The following SART3 variants were observed in gnomAD, a reference collection of about 807,000 sequenced individuals.
SART3 encodes HIV-1 Tat-interacting protein of 110kDa.
Under a neutral mutation model 122.3 loss-of-function variants are expected in SART3, and 44 were observed. That is an observed-to-expected ratio of 0.36 (90% confidence interval 0.28 to 0.46). The LOEUF (loss-of-function observed/expected upper bound fraction) is 0.46. Among genes scored for constraint, SART3 ranks in the 20% least tolerant of loss-of-function variants. SART3 has a pLI of 1.00. For synonymous variants in SART3, 442 were observed against 454.0 expected, an observed-to-expected ratio of 0.97 and a Z score of 0.34; for missense variants, 1,101 against 1,229.0, an observed-to-expected ratio of 0.90 and a Z score of 1.56.
At chr12:108,530,650 A>C (rs1872638118) in intron 14 of SART3, among the ~76,000 whole-genome samples, 1 of 152,076 alleles carries the variant, frequency 6.6e-6, no homozygotes, top group Non-Finnish European at 1.5e-5. Context: ...AGGTCAGGAG[A>C]TCGAGACCAT....
intron 17 of SART3, 142 bp downstream of exon 17, chr12:108,525,315 C>T: frequency 1.2e-6 from 1 of 820,416 alleles, no homozygotes; most frequent in South Asian, 1.5e-5. Flanking sequence ...GAGCTAAGTG[C>T]AGATCTTTCT....
At position 108,555,056 on chromosome 12, in the gene SART3, T is replaced by C. The variant is rs904785368; in HGVS notation, c.312+5787A>G. Among the ~76,000 whole-genome samples, 8 of 152,096 alleles carry C rather than the reference T, an allele frequency of 5.3e-5. No homozygotes were observed. The East Asian group carries it at 1.5e-3, about 29-fold the overall frequency. On this transcript the variant is annotated intron_variant, in intron 1 of 18. Coordinates refer to ENST00000546815, the MANE Select transcript of SART3 (RefSeq NM_014706.4). Reference sequence around the variant, plus strand: ...AACTACAATGGTAGTTATCAGGGGATTGGGAAGGAAGGAGAAGGAGAGCTG... The same window carrying C: ...AACTACAATGGTAGTTATCAGGGGACTGGGAAGGAAGGAGAAGGAGAGCTG...
chr12:108,544,153 C>T (rs11113984), intron 5 of SART3, among the ~76,000 whole-genome samples: 112,803 of 152,176 alleles, frequency 0.74, 43,703 homozygotes, highest in East Asian at 0.92. Context: ...TATCTCTGCC[C>T]TTCCAACTAG....
At chr12:108,539,181 G>GT in intron 6 of SART3, 92 bp from the exon 7 acceptor site, 3 of 1,347,672 alleles carry the variant, frequency 2.2e-6, no homozygotes, top group Non-Finnish European at 3.1e-6. Context: ...ACTGGCTACA[G>GT]TAACTATGAA....
intron 12 of SART3, among the ~76,000 whole-genome samples, chr12:108,534,487 T>C (rs1404294014): frequency 6.6e-6 from 1 of 151,176 alleles, no homozygotes; most frequent in African/African-American, 2.4e-5. Flanking sequence ...ATGACCTACA[T>C]GGTGAAACTG....
rs1459664736 is a variant in SART3, at chr12:108,549,193, A to G, written c.334T>C (p.Tyr112His). The change falls in exon 2 of 19, where the codon TAC (tyrosine) becomes CAC (histidine). Residue 112 changes from tyrosine (Y) to histidine (H), a missense_variant. Around this residue, in one of 2 missense-constraint regions of SART3, gnomAD observed 216 missense variants for 148.9 expected, o/e 1.45. Transcript: ENST00000546815. ...EEQLSINVYD[Y>H]NCHVDLIRLL... ...CTGATCAAGTCCACATGGCAGTTGT[A>G]GTCATAGACGTTGATAGACAACTAA... 10 of 1,614,096 alleles carry G rather than the reference A, an allele frequency of 6.2e-6. No individual in the cohort carries two copies. Among genetic ancestry groups the G allele is most frequent in the Admixed American group, 1.7e-5 (1 of 60,008 alleles).
rs776249648 is a variant in SART3, at chr12:108,545,243, C to T, written c.625G>A (p.Val209Met). The T allele has an allele frequency of 1.1e-5, 18 of 1,614,162 alleles. No individual in the cohort carries two copies. Among genetic ancestry groups the T allele is most frequent in the Middle Eastern group, 1.6e-4 (1 of 6,062 alleles). Residue 209 changes from valine to methionine, a missense_variant, in exon 4 of 19, where the codon GTG becomes ATG. By Grantham distance (21) the Val-to-Met change is conservative (BLOSUM62 1). This residue lies in a region of SART3 where 885 missense variants were observed against 1,080.1 expected (regional missense o/e 0.82). Transcript: ENST00000546815. Reference sequence around the variant, plus strand: ...ACAGACGAGAGAGCCCTTTCAAACACGGAGCGAACTTTCTCAAGGCCACCT... The same window carrying T: ...ACAGACGAGAGAGCCCTTTCAAACATGGAGCGAACTTTCTCAAGGCCACCT... ...QKGGLEKVRS[V>M]FERALSSVGL... is the part of the protein sequence containing the mutation.
chr12:108,549,790 T>C (rs958233564), intron 1 of SART3, among the ~76,000 whole-genome samples: 1 of 151,704 alleles, frequency 6.6e-6, no homozygotes, highest in Non-Finnish European at 1.5e-5. Context: ...CCGAGGCAGG[T>C]GGATTGCTTG....
chr12:108,544,593 G>T (rs1873318191), intron 4 of SART3, 115 bp from the exon 5 acceptor site: 1 of 1,439,038 alleles, frequency 6.9e-7, no homozygotes, highest in Admixed American at 1.7e-5. Flanking sequence ...TTTTGAGAAG[G>T]GTTCTTGCTG....
At chr12:108,557,194 A>G (rs1194110665) in intron 1 of SART3, among the ~76,000 whole-genome samples, 1 of 147,090 alleles carries the variant, frequency 6.8e-6, no homozygotes, top group Non-Finnish European at 1.5e-5. Context: ...TTAGAACATC[A>G]TTAATGACAT....
At chr12:108,544,393 G>A (rs1473597755) in intron 5 of SART3, 34 bp downstream of exon 5, 2 of 1,575,626 alleles carry the variant, frequency 1.3e-6, no homozygotes, top group Non-Finnish European at 1.7e-6. Flanking sequence ...AAAAACCATA[G>A]AGGGCTGGCT....
chr12:108,525,541 A>G lies in SART3; in HGVS notation c.2439T>C (p.Thr813=). Residue 813 remains threonine, a synonymous_variant, in exon 17 of 19, where the codon ACT becomes ACC. Transcript: ENST00000546815. ...LFISGLPFSC[T]KEELEEICKA... is the part of the protein sequence containing the mutation. ...TACAGATTTCTTCTAGTTCCTCTTT[A>G]GTACAGGAGAAAGGCAGGCCTGAGA... 4.3e-6 allele frequency: 7 copies of G among 1,614,140 alleles called. No individual in the cohort carries two copies. The highest frequency in any genetic ancestry group is 5.9e-6 in the Non-Finnish European group (7 of 1,179,998).
chr12:108,539,151 A>T, intron 6 of SART3, 62 bp from the exon 7 acceptor site: 1 of 1,589,566 alleles, frequency 6.3e-7, no homozygotes, highest in Non-Finnish European at 8.6e-7. Flanking sequence ...ACATCTGCAA[A>T]TAAAATAAAT....
chr12:108,549,394 C>T (rs1163800301), intron 1 of SART3, 180 bp from the exon 2 acceptor site: 2 of 613,678 alleles, frequency 3.3e-6, no homozygotes, highest in African/African-American at 3.7e-5. Context: ...ATAAAAGAGG[C>T]TTTTGTAACA....
chr12:108,538,005 G>A (rs762674195), intron 8 of SART3, 60 bp downstream of exon 8: 66 of 1,605,982 alleles, frequency 4.1e-5, no homozygotes, highest in Middle Eastern at 1.6e-4. Context: ...CTTTGTCACC[G>A]CTCTCTGTTT....
At chr12:108,525,412 T>C in intron 17 of SART3, 45 bp downstream of exon 17, 1 of 1,611,844 alleles carries the variant, frequency 6.2e-7, no homozygotes, top group Non-Finnish European at 8.5e-7. Context: ...GAAACGAAGT[T>C]TGCCCAAGCC....
At chr12:108,537,948 TAC>T in intron 8 of SART3, 115 bp downstream of exon 8, 3 of 1,363,292 alleles carry the variant, frequency 2.2e-6, no homozygotes, top group Non-Finnish European at 3.1e-6. Flanking sequence ...TTTTTGTCAC[TAC>T]ACTCCATAAC....
At position 108,543,030 on chromosome 12, in the gene SART3, G is replaced by T. The variant is rs769798505; in HGVS notation, c.904C>A (p.Leu302Met). Residue 302 changes from leucine (L) to methionine (M), a missense_variant and splice_region_variant, in exon 6 of 19, where the codon CTG becomes ATG. Leu to Met is a conservative substitution (Grantham distance 15, BLOSUM62 2). Coordinates refer to ENST00000546815, the MANE Select transcript of SART3 (RefSeq NM_014706.4). Reference protein sequence around the residue: ...LEKYKPYEEALLQAEAPRLAE... With the variant: ...LEKYKPYEEAMLQAEAPRLAE... ...CTATAAAAGAAGCCAACACTTACCA[G>T]TGCTTCTTCATAGGGTTTATATTTC... The T allele has an allele frequency of 6.2e-7, 1 of 1,614,236 alleles. No individual in the cohort carries two copies. Among genetic ancestry groups the T allele is most frequent in the East Asian group, 2.2e-5 (1 of 44,890 alleles).
At chr12:108,529,368 G>C (rs966444735) in intron 15 of SART3, among the ~76,000 whole-genome samples, 4 of 152,172 alleles carry the variant, frequency 2.6e-5, no homozygotes, top group Non-Finnish European at 5.9e-5. Context: ...ACAGCAGTGA[G>C]CACAACTAGC....
Sources: allele counts gnomAD v4.1 joint callset (sites outside exome capture counted in the v4.1 genomes callset), GRCh38; gene constraint gnomAD v4.1.1; regional missense constraint gnomAD v4.1.1; transcripts MANE v1.5; gene names NCBI Gene and HGNC (gene_info 2026-07-23, HGNC 2026-07-21).